The following PCDH15 variants were observed in gnomAD, a reference collection of about 807,000 sequenced individuals.
PCDH15 encodes the protein protocadherin related 15, also known as protocadherin-15.
PCDH15 carries 129 observed loss-of-function variants against 178.5 expected under a neutral mutation model. That is an observed-to-expected ratio of 0.72 (90% CI 0.63 to 0.84). The LOEUF (loss-of-function observed/expected upper bound fraction) is 0.84, where lower values mean the gene tolerates loss of function less well. Ranked by LOEUF, PCDH15 falls within the 40% of genes least tolerant of loss-of-function variation. The pLI is 0.00. For synonymous variants in PCDH15, 800 were observed against 732.0 expected (o/e 1.09, Z -1.50); for missense variants, 2,230 against 2,099.9 (o/e 1.06, Z -1.21).
In PCDH15 at chr10:54,684,315, T is replaced by C. The variant is rs547744437; in HGVS notation, c.-28-20025A>G. On this transcript the variant is annotated intron_variant, in intron 1 of 37. Coordinates refer to ENST00000644397, the MANE Select transcript of PCDH15 (RefSeq NM_001384140.1). Reference sequence around the variant, plus strand: ...TATTGTAGGTATAGAATATTTGCTATGTACCTAATTTTTTAAAATCATATT... The same window carrying C: ...TATTGTAGGTATAGAATATTTGCTACGTACCTAATTTTTTAAAATCATATT... 2.6e-5 allele frequency among the ~76,000 whole-genome samples: 4 copies of C among 151,932 alleles called. No individual in the cohort carries two copies. In the East Asian group the frequency reaches 7.7e-4, roughly 29 times the overall value.
At chr10:54,579,337 G>T (rs1343089883) in intron 2 of PCDH15, among the ~76,000 whole-genome samples, 2 of 151,970 alleles carry the variant, frequency 1.3e-5, no homozygotes, top group African/African-American at 4.8e-5. Context: ...AAGAACAACA[G>T]TCACTTGTGT....
At chr10:55,016,455 T>G (rs1013347742) in intron 2 of PCDH15, among the ~76,000 whole-genome samples, 2 of 152,134 alleles carry the variant, frequency 1.3e-5, no homozygotes, top group Non-Finnish European at 2.9e-5. Flanking sequence ...TTTATCTCCA[T>G]GAGTTCAATT....
intron 15 of PCDH15, among the ~76,000 whole-genome samples, chr10:54,106,947 C>G (rs1203260289): frequency 6.6e-6 from 1 of 152,102 alleles, no homozygotes; most frequent in Non-Finnish European, 1.5e-5. Flanking sequence ...TCAGTTTATT[C>G]AAGAAATATT....
chr10:54,689,160 T>G (rs943166481), intron 1 of PCDH15, among the ~76,000 whole-genome samples: 3 of 152,006 alleles, frequency 2.0e-5, no homozygotes, highest in African/African-American at 4.8e-5. Context: ...AAAATAAAAT[T>G]TTCTGATATT....
At chr10:54,670,795 A>G (rs2094650127) in intron 1 of PCDH15, among the ~76,000 whole-genome samples, 2 of 152,146 alleles carry the variant, frequency 1.3e-5, no homozygotes, top group Admixed American at 1.3e-4. Context: ...TGCATATCAG[A>G]CACTAAGCTT....
chr10:54,491,341 A>G (rs1398378396), intron 3 of PCDH15, among the ~76,000 whole-genome samples: 3 of 151,914 alleles, frequency 2.0e-5, no homozygotes, highest in East Asian at 3.9e-4. Flanking sequence ...TAAAAAAAAA[A>G]AAGAAATGAA....
chr10:54,092,192 AT>A (rs2094610314), intron 15 of PCDH15, among the ~76,000 whole-genome samples: 1 of 152,126 alleles, frequency 6.6e-6, no homozygotes, highest in Non-Finnish European at 1.5e-5. Flanking sequence ...TCACTCTTAC[AT>A]TCCAATGCAA....
chr10:54,281,877 G>A (rs1333194930), intron 8 of PCDH15, among the ~76,000 whole-genome samples: 1 of 151,874 alleles, frequency 6.6e-6, no homozygotes, highest in African/African-American at 2.4e-5. Flanking sequence ...AGGTAATATT[G>A]CAGGCACTAC....
intron 2 of PCDH15, among the ~76,000 whole-genome samples, chr10:54,924,965 A>T (rs927482694): frequency 6.6e-6 from 1 of 152,072 alleles, no homozygotes; most frequent in Non-Finnish European, 1.5e-5. Context: ...TGCATTTGTC[A>T]ATTTTTGCTT....
chr10:55,319,448 G>T (rs1843826254), intron 1 of PCDH15, among the ~76,000 whole-genome samples: 1 of 152,076 alleles, frequency 6.6e-6, no homozygotes, highest in South Asian at 2.1e-4. Flanking sequence ...CTAGAGGGTG[G>T]CAAGATGGCT....
intron 5 of PCDH15, 82 bp from the exon 6 acceptor site, chr10:54,346,566 T>C (rs112081452): frequency 6.5e-7 from 1 of 1,527,970 alleles, no homozygotes; most frequent in African/African-American, 1.4e-5. Context: ...AAATCAGCTC[T>C]TTATTACCTA....
At chr10:55,402,729 G>T (rs1375088663) in intron 2 of PCDH15, among the ~76,000 whole-genome samples, 1 of 151,756 alleles carries the variant, frequency 6.6e-6, no homozygotes, top group African/African-American at 2.4e-5. Flanking sequence ...TCTATTCATG[G>T]ACACTTAGGT....
At chr10:54,658,428 C>T (rs923676915) in intron 2 of PCDH15, among the ~76,000 whole-genome samples, 10 of 152,116 alleles carry the variant, frequency 6.6e-5, no homozygotes, top group African/African-American at 2.4e-4. Flanking sequence ...TAACAGTGGA[C>T]TTCTCAGCAG....
At chr10:54,716,347 A>T (rs67442181) in intron 1 of PCDH15, among the ~76,000 whole-genome samples, 1 of 152,050 alleles carries the variant, frequency 6.6e-6, no homozygotes. Flanking sequence ...AGAGTTTGAA[A>T]TGCAAAACAC....
intron 9 of PCDH15, among the ~76,000 whole-genome samples, chr10:54,216,113 T>C (rs2052032871): frequency 7.0e-6 from 1 of 141,962 alleles, no homozygotes; most frequent in East Asian, 2.0e-4. Flanking sequence ...CGAATATATA[T>C]ATATAGGTTT....
chr10:54,010,522 G>A (rs1565001409), intron 20 of PCDH15, among the ~76,000 whole-genome samples: 2 of 152,180 alleles, frequency 1.3e-5, no homozygotes, highest in Non-Finnish European at 2.9e-5. Flanking sequence ...TTACAGAAAA[G>A]CAGCTAGACT....
At chr10:55,032,664 A>AG (rs1840640844) in intron 2 of PCDH15, among the ~76,000 whole-genome samples, 2 of 152,314 alleles carry the variant, frequency 1.3e-5, no homozygotes, top group Admixed American at 1.3e-4. Flanking sequence ...GAGAAAACCA[A>AG]GGGATGGGTC....
intron 2 of PCDH15, among the ~76,000 whole-genome samples, chr10:55,575,375 A>C (rs563110887): frequency 7.2e-4 from 109 of 152,276 alleles, no homozygotes; most frequent in African/African-American, 2.5e-3. Flanking sequence ...GAAAATACCC[A>C]ACACATAAAA....
intron 11 of PCDH15, among the ~76,000 whole-genome samples, chr10:54,193,442 C>T (rs1027825767): frequency 6.6e-6 from 1 of 152,176 alleles, no homozygotes; most frequent in Admixed American, 6.5e-5. Context: ...CTATCATACA[C>T]TTTCAAATTG....
Sources: gnomAD v4.1 joint callset for allele counts (sites outside exome capture counted in the v4.1 genomes callset) on GRCh38, gnomAD v4.1.1 for gene constraint, MANE v1.5 for transcripts, NCBI Gene and HGNC (gene_info 2026-07-23, HGNC 2026-07-21) for gene names.